Variants in MIOS observed in about 807,000 individuals in gnomAD.
The protein encoded by MIOS is meiosis regulator for oocyte development.
A neutral mutation model predicts 96.9 loss-of-function variants in MIOS; 52 were observed. The ratio of observed to expected loss-of-function variants is 0.54; its 90% CI spans 0.43 to 0.68. MIOS has a LOEUF of 0.68. Among genes scored for constraint, MIOS ranks in the 30% least tolerant of loss-of-function variants. The probability of loss-of-function intolerance (pLI) is 0.00; values close to 1 mark genes in which losing one functional copy is unlikely to be tolerated. For synonymous variants in MIOS, 397 were observed against 359.5 expected (o/e 1.10, Z -1.18); for missense variants, 1,005 against 1,052.8 (o/e 0.95, Z 0.63).
intron 11 of MIOS, among the ~76,000 whole-genome samples, chr7:7,604,661 T>TTGTC (rs1274059681): frequency 6.6e-6 from 1 of 152,236 alleles, no homozygotes; most frequent in Non-Finnish European, 1.5e-5. Context: ...TCTGTGGCAC[T>TTGTC]TGTCTTCATA....
chr7:7,583,111 T>G lies in MIOS; in HGVS notation c.1394-7T>G. 6.3e-7 allele frequency: 1 copy of G among 1,597,670 alleles called. No homozygotes were observed. The highest frequency in any genetic ancestry group is 8.5e-7 in the Non-Finnish European group (1 of 1,172,530). On this transcript the variant is annotated splice_polypyrimidine_tract_variant and splice_region_variant and intron_variant, in intron 5 of 12. Transcript: ENST00000340080. The stretch of plus-strand genomic sequence containing the variant: ...TAAAACAATATAAAAATGTTTTCTG[T>G]TTTTAGGAATGGTGGAAAGCAGCAG...
At chr7:7,600,381 C>A (rs549098227) in intron 11 of MIOS, among the ~76,000 whole-genome samples, 4 of 151,970 alleles carry the variant, frequency 2.6e-5, no homozygotes, top group African/African-American at 7.2e-5. Context: ...GGAAGATCTA[C>A]CAAGCAAATG....
At chr7:7,568,991 A>G (rs1355915433) in intron 3 of MIOS, among the ~76,000 whole-genome samples, 1 of 152,174 alleles carries the variant, frequency 6.6e-6, no homozygotes, top group East Asian at 1.9e-4. Flanking sequence ...TGTAAGATGG[A>G]TTTTTCTTTG....
intron 5 of MIOS, among the ~76,000 whole-genome samples, chr7:7,581,189 G>A: frequency 6.6e-6 from 1 of 151,132 alleles, no homozygotes; most frequent in Non-Finnish European, 1.5e-5. Context: ...GGGTGTGGTG[G>A]TGTGCACCTG....
At chr7:7,602,262 T>G (rs1341458622) in intron 11 of MIOS, among the ~76,000 whole-genome samples, 2 of 152,196 alleles carry the variant, frequency 1.3e-5, no homozygotes, top group Non-Finnish European at 2.9e-5. Context: ...GGCATTCATT[T>G]AGGAAAAGAG....
chr7:7,569,688 G>T (rs1783284727), intron 3 of MIOS, among the ~76,000 whole-genome samples: 1 of 152,228 alleles, frequency 6.6e-6, no homozygotes, highest in African/African-American at 2.4e-5. Context: ...AAGAGACAGA[G>T]ATGGATGATT....
In MIOS at chr7:7,596,288, C is replaced by CA; in HGVS notation, c.2230dup (p.Ile744AsnfsTer16). 1 of 1,613,546 alleles carries CA rather than the reference C, an allele frequency of 6.2e-7. No homozygotes were observed. Among genetic ancestry groups the CA allele is most frequent in the Non-Finnish European group, 8.5e-7 (1 of 1,179,806 alleles). On this transcript the variant is annotated frameshift_variant, in exon 11 of 13. Transcript: ENST00000340080. ...GTGAGTTGCAATTTCTGTGGCAAGT[C>CA]AATCTCCTACAGCTGTTCAGCTGTG...
rs777160354 is a variant in MIOS, at chr7:7,572,902, C to G, written c.427C>G (p.Leu143Val). 1.9e-6 allele frequency: 3 copies of G among 1,614,152 alleles called. No homozygotes were observed. Among genetic ancestry groups the G allele is most frequent in the Non-Finnish European group, 2.5e-6 (3 of 1,180,004 alleles). Reference protein sequence around the residue: ...LDKHRADFSVLIWDICSKYTP... With the variant: ...LDKHRADFSVVIWDICSKYTP... ...TAAGCACAGAGCTGACTTTTCAGTG[C>G]TAATATGGGATATCTGCAGCAAATA... Residue 143 changes from leucine (L) to valine (V), a missense_variant, in exon 4 of 13, where the codon CTA becomes GTA. Physicochemically the swap from Leu to Val is conservative, Grantham distance 32 (BLOSUM62 1). Around this residue, in one of 3 missense-constraint regions of MIOS, gnomAD observed 865 missense variants for 887.9 expected, o/e 0.97. Coordinates refer to ENST00000340080, the MANE Select transcript of MIOS (RefSeq NM_019005.4). The surrounding 1 kb of genome is among the most constrained non-coding windows in gnomAD (Gnocchi z 4.8).
At chr7:7,600,882 G>A (rs1784355658) in intron 11 of MIOS, among the ~76,000 whole-genome samples, 2 of 152,272 alleles carry the variant, frequency 1.3e-5, no homozygotes, top group South Asian at 4.2e-4. Flanking sequence ...AGACCACAGT[G>A]CAATCAAACT....
At chr7:7,584,919 C>A (rs112456129) in intron 6 of MIOS, among the ~76,000 whole-genome samples, 2 of 152,238 alleles carry the variant, frequency 1.3e-5, no homozygotes, top group East Asian at 1.9e-4. Context: ...TGCTTTCTTG[C>A]AAATGGGTCT....
intron 5 of MIOS, among the ~76,000 whole-genome samples, chr7:7,578,219 A>C (rs927701237): frequency 6.6e-6 from 1 of 152,194 alleles, no homozygotes; most frequent in Admixed American, 6.5e-5. Context: ...TGCTTAGATC[A>C]ACCAGGATGA....
Position 7,580,098 on chromosome 7 carries a change from GGA to G in MIOS, c.1394-3015_1394-3014del, listed in dbSNP as rs1175859858. 9.2e-5 allele frequency among the ~76,000 whole-genome samples: 14 copies of G among 152,228 alleles called. 1 individual carries two copies. The East Asian group carries it at 2.5e-3, about 27-fold the overall frequency. ...ACCAGCTTTAAATCCAAAATTTATA[GGA>G]GAGATATGAAAATACACACCTTATA... is the stretch of plus-strand genomic sequence containing the variant. On this transcript the variant is annotated intron_variant, in intron 5 of 12. Transcript: ENST00000340080.
chr7:7,601,022 G>T (rs1296330953), intron 11 of MIOS, among the ~76,000 whole-genome samples: 1 of 151,976 alleles, frequency 6.6e-6, no homozygotes, highest in Non-Finnish European at 1.5e-5. Context: ...AAACCAACGA[G>T]AACAAAGACA....
chr7:7,606,012 T>G lies in MIOS; in HGVS notation c.2472T>G (p.Phe824Leu). ...AATTAGCCCAATTTAACAACTGGTT[T>G]ACATGGTGTCATAATTGCAGGCACG... ...DKKLAQFNNW[F>L]TWCHNCRHGG... Residue 824 changes from phenylalanine to leucine, a missense_variant, in exon 12 of 13, where the codon TTT becomes TTG. This residue lies in a region of MIOS where 865 missense variants were observed against 887.9 expected (regional missense o/e 0.97). Transcript: ENST00000340080. 1 of 1,614,024 alleles carries G rather than the reference T, an allele frequency of 6.2e-7. No individual in the cohort carries two copies. Among genetic ancestry groups the G allele is most frequent in the Non-Finnish European group, 8.5e-7 (1 of 1,179,900 alleles).
rs1783872408 is a variant in MIOS, at chr7:7,585,897, AATATT to A, written c.1818+98_1818+102del. On this transcript the variant is annotated intron_variant, in intron 7 of 12. Coordinates refer to ENST00000340080, the MANE Select transcript of MIOS (RefSeq NM_019005.4). ...AAATTTTCAAATGTCTGTTGCATAA[AATATT>A]ATATTTTTATGCATATGTTATTTAA... 7 of 1,183,594 alleles carry A rather than the reference AATATT, an allele frequency of 5.9e-6. No individual in the cohort carries two copies. The South Asian group carries it at 7.6e-5, about 13-fold the overall frequency. The allele number at this position is 1,183,594 out of a possible 1,614,324, so 73.3% of individuals were successfully genotyped here.
chr7:7,586,537 C>G (rs1304534340), intron 7 of MIOS, among the ~76,000 whole-genome samples: 1 of 152,152 alleles, frequency 6.6e-6, no homozygotes, highest in Admixed American at 6.5e-5. Flanking sequence ...ACTTTCTACA[C>G]TGAAATTCAT....
chr7:7,603,453 G>A (rs933827899), intron 11 of MIOS, among the ~76,000 whole-genome samples: 24 of 152,028 alleles, frequency 1.6e-4, no homozygotes, highest in East Asian at 3.9e-4. Flanking sequence ...CAAAAAACAC[G>A]TGAAAAAATG....
At chr7:7,575,889 T>A (rs962318087) in intron 5 of MIOS, among the ~76,000 whole-genome samples, 1 of 150,750 alleles carries the variant, frequency 6.6e-6, no homozygotes, top group Admixed American at 6.7e-5. Context: ...CTTTTTTTTT[T>A]TTGTTTGGTA....
chr7:7,596,906 A>C (rs1404519054), intron 11 of MIOS, among the ~76,000 whole-genome samples: 1 of 152,162 alleles, frequency 6.6e-6, no homozygotes, highest in Non-Finnish European at 1.5e-5. Context: ...AAAATACATG[A>C]GAGAAGGGTC....
Sources: allele counts gnomAD v4.1 joint callset (sites outside exome capture counted in the v4.1 genomes callset), GRCh38; gene constraint gnomAD v4.1.1; regional missense constraint gnomAD v4.1.1; non-coding constraint Gnocchi (gnomAD v3.1); transcripts MANE v1.5; gene names NCBI Gene and HGNC (gene_info 2026-07-23, HGNC 2026-07-21).